GPHN: variants seen among roughly 807,000 people sequenced by gnomAD.
The protein encoded by GPHN is gephyrin.
Under a neutral mutation model 95.5 loss-of-function variants are expected in GPHN, and 17 were observed. The ratio of observed to expected loss-of-function variants is 0.18; its 90% CI spans 0.12 to 0.27. The LOEUF (loss-of-function observed/expected upper bound fraction) is 0.27, where lower values mean the gene tolerates loss of function less well. Ranked by LOEUF, GPHN falls within the 10% of genes least tolerant of loss-of-function variation. The pLI, the probability that GPHN is intolerant of heterozygous loss-of-function variation, is 1.00. For missense variants in GPHN, 660 were observed against 978.1 expected, an observed-to-expected ratio of 0.67 and a Z score of 4.34; for synonymous variants, 320 against 322.5, an observed-to-expected ratio of 0.99 and a Z score of 0.08.
chr14:67,423,004 T>A, the GPHN span, among the ~76,000 whole-genome samples: 1 of 151,916 alleles, frequency 6.6e-6, no homozygotes, highest in African/African-American at 2.4e-5. Context: ...GCTAATTTTT[T>A]ATTTTTTTTA....
chr14:66,694,770 CA>C (rs2068007239), intron 2 of GPHN, among the ~76,000 whole-genome samples: 1 of 152,178 alleles, frequency 6.6e-6, no homozygotes. Flanking sequence ...AAAGAGAAGC[CA>C]CAGACTGGGA....
chr14:67,311,552 G>T, the GPHN span, among the ~76,000 whole-genome samples: 4 of 152,080 alleles, frequency 2.6e-5, no homozygotes, highest in South Asian at 8.3e-4. Flanking sequence ...AACTTGCCCA[G>T]GTTAGGTAAA....
intron 8 of GPHN, among the ~76,000 whole-genome samples, chr14:66,929,058 T>C (rs930122122): frequency 3.4e-5 from 5 of 147,194 alleles, no homozygotes; most frequent in African/African-American, 9.8e-5. Flanking sequence ...ATGTTTCTTT[T>C]TTTTTTTTTT....
chr14:67,507,802 G>A, the GPHN span, among the ~76,000 whole-genome samples: 89 of 152,134 alleles, frequency 5.9e-4, no homozygotes, highest in Non-Finnish European at 9.6e-4. Context: ...GTATAAGGGT[G>A]TACAGACACC....
the GPHN span, chr14:67,650,315 T>C: frequency 4.0e-6 from 1 of 247,082 alleles, no homozygotes; most frequent in African/African-American, 2.3e-5. Flanking sequence ...TCTGCCTTCA[T>C]ACTTGATTCA....
At chr14:67,589,991 C>T in the GPHN span, 3 of 1,461,130 alleles carry the variant, frequency 2.1e-6, no homozygotes, top group African/African-American at 1.4e-5. Context: ...ACTGTGTCCA[C>T]CTGATGGTTT....
intron 5 of GPHN, among the ~76,000 whole-genome samples, chr14:66,905,002 A>C (rs1022399653): frequency 9.9e-5 from 15 of 152,168 alleles, no homozygotes; most frequent in Non-Finnish European, 1.5e-4. Flanking sequence ...TTCTTTGAAT[A>C]AGCTTTCTAC....
chr14:67,562,016 C>A, the GPHN span: 1 of 1,613,744 alleles, frequency 6.2e-7, no homozygotes, highest in Non-Finnish European at 8.5e-7. Context: ...AGGTGGGATC[C>A]CTTCAAGATG....
chr14:66,945,799 C>T (rs916506973), intron 8 of GPHN, among the ~76,000 whole-genome samples: 1 of 152,070 alleles, frequency 6.6e-6, no homozygotes, highest in Non-Finnish European at 1.5e-5. Flanking sequence ...ACAAAGCATA[C>T]AATTTTTAAT....
At chr14:66,709,208 T>G in intron 2 of GPHN, 1 of 337,568 alleles carries the variant, frequency 3.0e-6, no homozygotes, top group Non-Finnish European at 6.1e-6. Context: ...AACTAAAAGA[T>G]TAGCAGCCTT....
chr14:66,727,733 G>A (rs2071377490), intron 2 of GPHN, among the ~76,000 whole-genome samples: 2 of 152,142 alleles, frequency 1.3e-5, no homozygotes, highest in Non-Finnish European at 2.9e-5. Flanking sequence ...TGCTGTTAAA[G>A]GCATTCAGTT....
chr14:67,193,575 C>A, the GPHN span, among the ~76,000 whole-genome samples: 8 of 139,040 alleles, frequency 5.8e-5, no homozygotes, highest in African/African-American at 1.6e-4. Context: ...CTATATAGAT[C>A]TATATATAGA....
At chr14:67,347,293 G>T in the GPHN span, 1 of 802,420 alleles carries the variant, frequency 1.2e-6, no homozygotes, top group East Asian at 2.7e-5. Flanking sequence ...CAAATAAGAG[G>T]ATTTCTAACT....
chr14:67,192,940 A>T, the GPHN span, among the ~76,000 whole-genome samples: 17 of 146,932 alleles, frequency 1.2e-4, no homozygotes, highest in Non-Finnish European at 1.8e-4. Context: ...AGATATCTAG[A>T]TAAATATCTC....
the GPHN span, among the ~76,000 whole-genome samples, chr14:67,412,811 CTGG>C: frequency 6.6e-6 from 1 of 152,138 alleles, no homozygotes; most frequent in African/African-American, 2.4e-5. Context: ...GTCACCCAGG[CTGG>C]AGTGCAGTGG....
rs143261577 is a variant in GPHN at position 67,079,337 on chromosome 14, C to T, written c.1145-9646C>T. 1.5e-3 allele frequency among the ~76,000 whole-genome samples: 228 copies of T among 152,072 alleles called. 3 individuals are homozygous for T. The highest frequency in any genetic ancestry group is 5.1e-3 in the Admixed American group (77 of 15,246). ...ATTCAGTGTTTTTAGTATACTCAGA[C>T]GTGTAGCCATCACCACAATTTTAGA... On this transcript the variant is annotated intron_variant, in intron 11 of 22. Transcript: ENST00000478722.
chr14:67,233,430 C>A, the GPHN span, among the ~76,000 whole-genome samples: 1 of 152,180 alleles, frequency 6.6e-6, no homozygotes, highest in Non-Finnish European at 1.5e-5. Flanking sequence ...TGGTGGAATA[C>A]CAATACCTAT....
Position 66,545,612 on chromosome 14 carries a change from A to AC in GPHN, c.64+37028dup, listed in dbSNP as rs1327525542. Among the ~76,000 whole-genome samples, 40 of 83,176 alleles carry AC rather than the reference A, an allele frequency of 4.8e-4. 2 individuals carry two copies. The highest frequency in any genetic ancestry group is 1.6e-3 in the African/African-American group (28 of 17,722). The allele number at this position is 83,176 out of a possible 152,430, so 54.6% of individuals were successfully genotyped here. A position where few individuals can be genotyped will look rare whatever the true frequency, so the allele number is the denominator to read the frequency against. On this transcript the variant is annotated intron_variant, in intron 1 of 22. Coordinates refer to ENST00000478722, the MANE Select transcript of GPHN (RefSeq NM_020806.5). ...GGGCGGCTGGCCGGGCGGGGGGCTG[A>AC]CCCCCCCACCTCCCTCCCGGACAGG...
chr14:66,659,767 C>A (rs1403884408), intron 1 of GPHN, among the ~76,000 whole-genome samples: 1 of 151,914 alleles, frequency 6.6e-6, no homozygotes, highest in Non-Finnish European at 1.5e-5. Context: ...CTTGGTAGAT[C>A]TTTTTCCATG....
Sources: allele counts gnomAD v4.1 joint callset (sites outside exome capture counted in the v4.1 genomes callset), GRCh38; gene constraint gnomAD v4.1.1; transcripts MANE v1.5; gene names NCBI Gene and HGNC (gene_info 2026-07-23, HGNC 2026-07-21).